Variants in APTX observed in about 807,000 individuals in gnomAD.
APTX encodes the protein forkhead-associated domain histidine triad-like protein.
Under a neutral mutation model 42.3 loss-of-function variants are expected in APTX, and 33 were observed. The observed-to-expected ratio is 0.78, with a 90% confidence interval of 0.59 to 1.04. APTX has a LOEUF of 1.04. APTX is among the 50% of genes least tolerant of loss of function. APTX has a pLI of 0.00. For synonymous variants in APTX, 130 were observed against 146.7 expected, an observed-to-expected ratio of 0.89 and a Z score of 0.82; for missense variants, 421 against 415.1, an observed-to-expected ratio of 1.01 and a Z score of -0.12.
chr9:33,001,210 T>A, intron 1 of APTX: 1 of 1,054,478 alleles, frequency 9.5e-7, no homozygotes, highest in Non-Finnish European at 1.3e-6. Context: ...GTCCCTCAAG[T>A]GCCTTTCACG....
At chr9:33,000,383 T>C (rs919785847) in intron 1 of APTX, among the ~76,000 whole-genome samples, 2 of 151,920 alleles carry the variant, frequency 1.3e-5, no homozygotes, top group African/African-American at 4.8e-5. Context: ...TCCCAACACT[T>C]TGGGAGGCCG....
chr9:33,001,298 A>G (rs1439601061), intron 1 of APTX: 1 of 1,493,190 alleles, frequency 6.7e-7, no homozygotes, highest in Admixed American at 2.0e-5. Context: ...ATTCTCTAAT[A>G]TTTTTTCGGC....
upstream of APTX, among the ~76,000 whole-genome samples, chr9:33,005,888 T>C (rs187766361): frequency 2.0e-5 from 3 of 152,356 alleles, no homozygotes; most frequent in South Asian, 2.1e-4. Flanking sequence ...TAATCATTTA[T>C]GCAAGGATTT....
At chr9:32,985,200 T>C (rs556377413) in intron 5 of APTX, among the ~76,000 whole-genome samples, 1 of 152,216 alleles carries the variant, frequency 6.6e-6, no homozygotes, top group Non-Finnish European at 1.5e-5. Context: ...AGCATCCTTC[T>C]CCACTCCAAC....
intron 1 of APTX, among the ~76,000 whole-genome samples, chr9:33,021,817 A>G (rs1003825489): frequency 1.3e-5 from 2 of 152,188 alleles, no homozygotes; most frequent in African/African-American, 4.8e-5. Context: ...ATGGAATAAA[A>G]AATTTAAGTT....
chr9:32,984,235 A>C (rs1380237476), intron 6 of APTX, among the ~76,000 whole-genome samples: 4 of 152,154 alleles, frequency 2.6e-5, no homozygotes, highest in Non-Finnish European at 4.4e-5. Flanking sequence ...CGCTGTCATT[A>C]CAGAAGTCTA....
At chr9:33,020,583 C>T (rs757354338) in intron 1 of APTX, among the ~76,000 whole-genome samples, 2 of 152,148 alleles carry the variant, frequency 1.3e-5, no homozygotes, top group South Asian at 2.1e-4. Context: ...AATATGGCAA[C>T]GTTTGTAGAG....
upstream of APTX, among the ~76,000 whole-genome samples, chr9:33,004,561 C>A (rs1458759642): frequency 6.6e-6 from 1 of 151,710 alleles, no homozygotes; most frequent in Non-Finnish European, 1.5e-5. Context: ...TTTTCCATAG[C>A]AGCTGGATGA....
chr9:33,013,535 G>A lies in APTX; in HGVS notation c.-5+11488C>T, dbSNP rs541484419. ...AAGCTGCTCATGGAGAGCCAGGCGT[G>A]GTGGCTCATGCCTGTAATCCCAGCA... is the stretch of plus-strand genomic sequence containing the variant. On this transcript the variant is annotated intron_variant, in intron 1 of 6. Coordinates refer to the APTX transcript ENST00000436040. Among the ~76,000 whole-genome samples, 8 of 152,324 alleles carry A rather than the reference G, an allele frequency of 5.3e-5. No individual in the cohort carries two copies. The South Asian group carries it at 1.4e-3, about 28-fold the overall frequency.
intron 1 of APTX, among the ~76,000 whole-genome samples, chr9:32,990,618 T>C (rs1044116945): frequency 6.6e-5 from 10 of 152,206 alleles, no homozygotes; most frequent in Admixed American, 1.3e-4. Flanking sequence ...TACAATATAA[T>C]GTGATAAACA....
chr9:33,017,706 T>C (rs1043700006), intron 1 of APTX, among the ~76,000 whole-genome samples: 1 of 152,180 alleles, frequency 6.6e-6, no homozygotes, highest in Non-Finnish European at 1.5e-5. Context: ...GATACGGACC[T>C]TCAAGGCCCT....
At position 32,972,888 on chromosome 9, in the gene APTX, C is replaced by G. The variant is rs775131687; in HGVS notation, c.*610G>C. On this transcript the variant is annotated 3_prime_UTR_variant, in exon 8 of 8. Transcript: ENST00000379817. ...GTATTAGAAGAAAACTCCAACCCCC[C>G]ACACCATCATCTAGCCTCTTTTCTC... 6.4e-5 allele frequency: 29 copies of G among 454,016 alleles called. No individual in the cohort carries two copies. Among genetic ancestry groups the G allele is most frequent in the Non-Finnish European group, 1.1e-4 (26 of 226,796 alleles). 28.1% of individuals were successfully genotyped at this position (454,016 alleles called of 1,614,324 possible). A position where few individuals can be genotyped will look rare whatever the true frequency, so the allele number is the denominator to read the frequency against.
intron 1 of APTX, 50 bp downstream of exon 1, chr9:33,001,517 C>A (rs931575319): frequency 6.2e-7 from 1 of 1,612,526 alleles, no homozygotes; most frequent in Non-Finnish European, 8.5e-7. Flanking sequence ...AACGCTCACC[C>A]GCGGCATTGA....
At chr9:33,021,091 T>G (rs1227335349) in intron 1 of APTX, among the ~76,000 whole-genome samples, 1 of 149,750 alleles carries the variant, frequency 6.7e-6, no homozygotes, top group Non-Finnish European at 1.5e-5. Context: ...ATGGCTCCAT[T>G]GCACTCCAGC....
chr9:32,988,566 G>A (rs1238700716), intron 2 of APTX, among the ~76,000 whole-genome samples: 1 of 151,780 alleles, frequency 6.6e-6, no homozygotes, highest in African/African-American at 2.4e-5. Context: ...TGTAGTCCCA[G>A]CTACTTGGGA....
chr9:32,990,770 G>C (rs1395366079), intron 1 of APTX, among the ~76,000 whole-genome samples: 2 of 152,170 alleles, frequency 1.3e-5, no homozygotes, highest in East Asian at 3.8e-4. Context: ...GCCTGCCAGA[G>C]AACTAAGGAC....
intron 1 of APTX, among the ~76,000 whole-genome samples, chr9:33,013,484 GACA>G (rs1203814605): frequency 3.9e-5 from 6 of 152,216 alleles, no homozygotes; most frequent in Non-Finnish European, 7.3e-5. Flanking sequence ...TCACGATGAA[GACA>G]ACATCATGAC....
intron 3 of APTX, 95 bp downstream of exon 3, chr9:32,987,988 G>C: frequency 6.6e-7 from 1 of 1,515,340 alleles, no homozygotes; most frequent in Non-Finnish European, 9.2e-7. Flanking sequence ...TTCCATACAT[G>C]ACAGAGAAGC....
intron 1 of APTX, among the ~76,000 whole-genome samples, chr9:33,000,625 CAAAAA>C (rs60760701): frequency 3.2e-5 from 2 of 63,452 alleles, no homozygotes; most frequent in Non-Finnish European, 6.0e-5. Flanking sequence ...GACTCTGTCT[CAAAAA>C]AAAAAAAAAA....
Sources: allele counts gnomAD v4.1 joint callset (sites outside exome capture counted in the v4.1 genomes callset), GRCh38; gene constraint gnomAD v4.1.1; transcripts MANE v1.5; gene names NCBI Gene and HGNC (gene_info 2026-07-23, HGNC 2026-07-21).